Variants in ANKFN1 observed in about 807,000 individuals in gnomAD.
The protein encoded by ANKFN1 is ankyrin repeat and fibronectin type III domain containing 1.
In ANKFN1, 74 loss-of-function variants were observed where a neutral mutation model predicts 108.7. The observed-to-expected ratio is 0.68, with a 90% confidence interval of 0.56 to 0.83. ANKFN1 has a LOEUF of 0.83. Among genes scored for constraint, ANKFN1 ranks in the 40% least tolerant of loss-of-function variants. The probability of loss-of-function intolerance (pLI) is 0.00; values close to 1 mark genes in which losing one functional copy is unlikely to be tolerated. For missense variants in ANKFN1, 1,505 were observed against 1,382.3 expected, an observed-to-expected ratio of 1.09 and a Z score of -1.41; for synonymous variants, 547 against 516.2, an observed-to-expected ratio of 1.06 and a Z score of -0.81.
At chr17:56,076,638 C>T (rs568951159) in intron 4 of ANKFN1, among the ~76,000 whole-genome samples, 145 of 152,190 alleles carry the variant, frequency 9.5e-4, no homozygotes, top group Middle Eastern at 3.4e-3. Flanking sequence ...TTTAAGCTTC[C>T]GTTTCTCCAT....
At chr17:56,189,319 C>T (rs1273615497) in intron 1 of ANKFN1, among the ~76,000 whole-genome samples, 5 of 148,510 alleles carry the variant, frequency 3.4e-5, no homozygotes, top group South Asian at 4.3e-4. Context: ...TACAGGCGCC[C>T]GCCACTACGC....
chr17:56,495,439 G>A (rs2051171000), intron 19 of ANKFN1, among the ~76,000 whole-genome samples: 1 of 152,068 alleles, frequency 6.6e-6, no homozygotes, highest in Admixed American at 6.6e-5. Context: ...CTGCAGAAGT[G>A]ACCGCCAGTT....
At chr17:56,312,712 C>T (rs1464071118) in intron 3 of ANKFN1, among the ~76,000 whole-genome samples, 2 of 152,198 alleles carry the variant, frequency 1.3e-5, no homozygotes, top group African/African-American at 4.8e-5. Flanking sequence ...AGGGCACCCA[C>T]TATGTGCTAG....
intron 15 of ANKFN1, 57 bp downstream of exon 15, chr17:56,466,628 G>T (rs2050083009): frequency 6.9e-7 from 1 of 1,451,592 alleles, no homozygotes; most frequent in East Asian, 2.5e-5. Context: ...CCCAATTATT[G>T]AAGGTCTAGT....
chr17:56,047,044 G>A (rs1904690898), intron 4 of ANKFN1, among the ~76,000 whole-genome samples: 1 of 152,106 alleles, frequency 6.6e-6, no homozygotes, highest in Non-Finnish European at 1.5e-5. Flanking sequence ...ATAGATTGAA[G>A]TTGAAAGGAG....
intron 15 of ANKFN1, among the ~76,000 whole-genome samples, chr17:56,476,681 G>A (rs1338967855): frequency 6.6e-6 from 1 of 152,108 alleles, no homozygotes; most frequent in Non-Finnish European, 1.5e-5. Context: ...CATAACACAA[G>A]CAAGGATTTC....
At chr17:56,186,698 T>C (rs1018740993) in intron 1 of ANKFN1, among the ~76,000 whole-genome samples, 9 of 152,218 alleles carry the variant, frequency 5.9e-5, no homozygotes, top group African/African-American at 1.7e-4. Flanking sequence ...ACATACAGCC[T>C]GATTCAGGCA....
intron 1 of ANKFN1, among the ~76,000 whole-genome samples, chr17:56,170,805 T>TACACACACACACAC (rs1383558821): frequency 7.2e-4 from 52 of 72,136 alleles, no homozygotes; most frequent in South Asian, 2.0e-3. Flanking sequence ...TATATATATA[T>TACACACACACACAC]ATACACACAC....
chr17:56,312,902 A>G (rs2045078830), intron 3 of ANKFN1, among the ~76,000 whole-genome samples: 1 of 152,180 alleles, frequency 6.6e-6, no homozygotes, highest in Admixed American at 6.5e-5. Flanking sequence ...CATGCCTGTA[A>G]TTTCAGCACT....
chr17:56,389,377 C>T lies in ANKFN1; in HGVS notation c.910+14663C>T, dbSNP rs115235631. Reference sequence around the variant, plus strand: ...ATAATAGAAGTAGGGAACAGATTAGCGGTTGCCAAGAGGAGAAGAGGGTGT... The same window carrying T: ...ATAATAGAAGTAGGGAACAGATTAGTGGTTGCCAAGAGGAGAAGAGGGTGT... On this transcript the variant is annotated intron_variant, in intron 8 of 20. Transcript: ENST00000682825. Among the ~76,000 whole-genome samples, 421 of 152,262 alleles carry T rather than the reference C, an allele frequency of 2.8e-3. 1 individual carries two copies. Among genetic ancestry groups the T allele is most frequent in the African/African-American group, 9.2e-3 (382 of 41,538 alleles).
chr17:56,209,052 T>A (rs1380224628), intron 1 of ANKFN1, among the ~76,000 whole-genome samples: 1 of 152,136 alleles, frequency 6.6e-6, no homozygotes, highest in Admixed American at 6.5e-5. Context: ...TTAAAACTTT[T>A]CAGGTTTATA....
intron 8 of ANKFN1, among the ~76,000 whole-genome samples, chr17:56,424,686 C>T (rs572357462): frequency 7.2e-5 from 11 of 152,232 alleles, no homozygotes; most frequent in South Asian, 2.1e-4. Context: ...TTTTGCCTGA[C>T]GGAGTATTTG....
intron 6 of ANKFN1, among the ~76,000 whole-genome samples, chr17:56,361,546 T>A (rs2046517685): frequency 6.6e-6 from 1 of 152,170 alleles, no homozygotes; most frequent in Non-Finnish European, 1.5e-5. Flanking sequence ...TGGCCCCATT[T>A]CTTCATTTGT....
chr17:56,114,864 G>T (rs919697376), intron 4 of ANKFN1, among the ~76,000 whole-genome samples: 1 of 152,194 alleles, frequency 6.6e-6, no homozygotes, highest in African/African-American at 2.4e-5. Flanking sequence ...TGACAGCAAG[G>T]TCAATGTGCT....
chr17:56,338,016 C>A (rs1291350175), intron 4 of ANKFN1, among the ~76,000 whole-genome samples: 1 of 152,086 alleles, frequency 6.6e-6, no homozygotes, highest in African/African-American at 2.4e-5. Flanking sequence ...ATGCTTATTG[C>A]GGCACTATTC....
intron 8 of ANKFN1, among the ~76,000 whole-genome samples, chr17:56,399,311 C>T (rs926940400): frequency 1.3e-5 from 2 of 151,894 alleles, no homozygotes; most frequent in Admixed American, 1.3e-4. Flanking sequence ...GGCATTTATA[C>T]CATAGTATGG....
At chr17:56,125,934 T>C (rs1437493184) in intron 4 of ANKFN1, among the ~76,000 whole-genome samples, 2 of 152,186 alleles carry the variant, frequency 1.3e-5, no homozygotes, top group Non-Finnish European at 2.9e-5. Context: ...TCCGGGGTCA[T>C]GTTTTCCCTT....
intron 19 of ANKFN1, among the ~76,000 whole-genome samples, chr17:56,496,123 C>A (rs1047946676): frequency 3.3e-5 from 5 of 152,182 alleles, no homozygotes; most frequent in South Asian, 4.2e-4. Flanking sequence ...TCTTTTGGAG[C>A]AATTAGCTAA....
chr17:56,181,480 G>A (rs952907008), intron 1 of ANKFN1, among the ~76,000 whole-genome samples: 1 of 152,158 alleles, frequency 6.6e-6, no homozygotes, highest in African/African-American at 2.4e-5. Flanking sequence ...TGAAACTGAG[G>A]CTTAGAAAGA....
Sources: allele counts gnomAD v4.1 joint callset (sites outside exome capture counted in the v4.1 genomes callset), GRCh38; gene constraint gnomAD v4.1.1; transcripts MANE v1.5; gene names NCBI Gene and HGNC (gene_info 2026-07-23, HGNC 2026-07-21).